The following DMD variants were observed in gnomAD, a reference collection of about 807,000 sequenced individuals.
The protein encoded by DMD is dystrophin.
A neutral mutation model predicts 330.1 loss-of-function variants in DMD; 63 were observed. The ratio of observed to expected loss-of-function variants is 0.19; its 90% CI spans 0.16 to 0.24. The LOEUF is 0.24. Ranked by LOEUF, DMD falls within the 10% of genes least tolerant of loss-of-function variation. The pLI, the probability that DMD is intolerant of heterozygous loss-of-function variation, is 1.00. For missense variants in DMD, 3,344 were observed against 2,684.1 expected (o/e 1.25, Z -5.43); for synonymous variants, 1,223 against 959.8 (o/e 1.27, Z -5.07).
At chrX:32,596,159 T>G (rs1186834831) in intron 12 of DMD, among the ~76,000 whole-genome samples, 4 of 110,973 alleles carry the variant, frequency 3.6e-5, no homozygotes, top group Non-Finnish European at 5.7e-5. Flanking sequence ...TTTCAAGGAC[T>G]TTTTTCCTAC....
intron 52 of DMD, among the ~76,000 whole-genome samples, chrX:31,703,045 G>C (rs751333096): frequency 1.8e-5 from 2 of 109,598 alleles, no homozygotes; most frequent in Non-Finnish European, 3.8e-5. Context: ...TAGTAGAGAT[G>C]GGGTTTCATC....
chrX:31,745,564 T>C (rs1200199631), intron 51 of DMD, among the ~76,000 whole-genome samples: 1 of 112,189 alleles, frequency 8.9e-6, no homozygotes, highest in East Asian at 2.8e-4. Flanking sequence ...CATGAAAACA[T>C]GTAAAACATT....
intron 60 of DMD, among the ~76,000 whole-genome samples, chrX:31,422,043 A>ATATATT (rs1556630715): frequency 2.1e-4 from 6 of 28,755 alleles, no homozygotes; most frequent in African/African-American, 2.7e-4. Flanking sequence ...ATATATATAT[A>ATATATT]TTTTTTTTTT....
intron 68 of DMD, 52 bp from the exon 69 acceptor site, chrX:31,180,533 A>G: frequency 1.2e-6 from 1 of 820,321 alleles, no homozygotes; most frequent in Non-Finnish European, 1.9e-6. Flanking sequence ...TCAAATTCCC[A>G]AAGAACACTC....
intron 1 of DMD, among the ~76,000 whole-genome samples, chrX:33,326,230 C>T (rs2054087693): frequency 9.2e-6 from 1 of 109,000 alleles, no homozygotes; most frequent in African/African-American, 3.3e-5. Flanking sequence ...GAGTAGCTCC[C>T]TCCAGAAGAG....
At chrX:32,128,628 C>T (rs1292850712) in intron 44 of DMD, among the ~76,000 whole-genome samples, 1 of 111,912 alleles carries the variant, frequency 8.9e-6, no homozygotes, top group Admixed American at 9.5e-5. Flanking sequence ...ATTGCTTGAA[C>T]ATTAGTTCTG....
At chrX:32,176,305 G>A (rs2096906352) in intron 44 of DMD, among the ~76,000 whole-genome samples, 1 of 111,761 alleles carries the variant, frequency 8.9e-6, no homozygotes, top group Non-Finnish European at 1.9e-5. Flanking sequence ...TGAGCACACG[G>A]GACCTATGCT....
intron 20 of DMD, among the ~76,000 whole-genome samples, chrX:32,485,717 C>G (rs1290051723): frequency 1.1e-5 from 1 of 94,003 alleles, no homozygotes; most frequent in Non-Finnish European, 2.1e-5. Flanking sequence ...TTCTCCTGAC[C>G]AAACAGGCAA....
chrX:31,991,999 T>C (rs1265962739), intron 44 of DMD, among the ~76,000 whole-genome samples: 1 of 111,731 alleles, frequency 9.0e-6, no homozygotes, highest in Non-Finnish European at 1.9e-5. Flanking sequence ...CGATGCATGA[T>C]ACAAGGTGAT....
intron 41 of DMD, among the ~76,000 whole-genome samples, chrX:32,336,244 C>G (rs1345181815): frequency 9.1e-6 from 1 of 110,377 alleles, no homozygotes; most frequent in Non-Finnish European, 1.9e-5. Context: ...TCTGGAACTC[C>G]TCCTCAAGTG....
At chrX:31,297,501 T>C (rs773232746) in intron 62 of DMD, among the ~76,000 whole-genome samples, 5 of 111,980 alleles carry the variant, frequency 4.5e-5, no homozygotes, top group Non-Finnish European at 9.4e-5. Context: ...TTATTTAGAT[T>C]TTGGCTTGCA....
chrX:31,415,877 G>T (rs766836161), intron 60 of DMD, among the ~76,000 whole-genome samples: 6 of 110,966 alleles, frequency 5.4e-5, no homozygotes, highest in African/African-American at 2.0e-4. Context: ...TTTATAAGCT[G>T]CCCAGGGGAT....
intron 9 of DMD, among the ~76,000 whole-genome samples, chrX:32,668,654 A>G (rs5972644): frequency 0.21 from 23,326 of 110,791 alleles, 4,504 homozygotes; most frequent in African/African-American, 0.63. Context: ...TTATTTTATC[A>G]TGTTTTATAA....
chrX:31,817,413 A>G (rs1421329642), intron 50 of DMD, among the ~76,000 whole-genome samples: 8 of 111,818 alleles, frequency 7.2e-5, no homozygotes, highest in Non-Finnish European at 5.6e-5. Flanking sequence ...CACAGTAAAG[A>G]AAAAAGAAAA....
At chrX:33,337,660 T>C (rs920523452) in intron 1 of DMD, among the ~76,000 whole-genome samples, 12 of 112,114 alleles carry the variant, frequency 1.1e-4, no homozygotes, top group African/African-American at 3.5e-4. Flanking sequence ...GTCATCCAAA[T>C]CCTTGACTAT....
At chrX:32,207,040 T>A (rs1410526409) in intron 44 of DMD, among the ~76,000 whole-genome samples, 1 of 111,733 alleles carries the variant, frequency 8.9e-6, no homozygotes, top group East Asian at 2.8e-4. Context: ...AATAAAAGTA[T>A]TTTAATAAAG....
intron 60 of DMD, among the ~76,000 whole-genome samples, chrX:31,349,637 C>T (rs1387115209): frequency 5.4e-5 from 6 of 111,517 alleles, no homozygotes; most frequent in Non-Finnish European, 1.1e-4. Flanking sequence ...GTGCTGTCAA[C>T]TTAGTGAGTT....
At chrX:31,379,039 C>T (rs1162986940) in intron 60 of DMD, among the ~76,000 whole-genome samples, 1 of 110,078 alleles carries the variant, frequency 9.1e-6, no homozygotes, top group Non-Finnish European at 1.9e-5. Flanking sequence ...TACACATCTG[C>T]CCCTCCCCAG....
intron 51 of DMD, among the ~76,000 whole-genome samples, chrX:31,757,001 A>G (rs1358671110): frequency 1.0e-5 from 1 of 97,475 alleles, no homozygotes; most frequent in Non-Finnish European, 2.1e-5. Flanking sequence ...TTTTTTTTTT[A>G]CCTTATATCA....
Sources: gnomAD v4.1 joint callset for allele counts (sites outside exome capture counted in the v4.1 genomes callset) on GRCh38, gnomAD v4.1.1 for gene constraint, MANE v1.5 for transcripts, NCBI Gene and HGNC (gene_info 2026-07-23, HGNC 2026-07-21) for gene names.